The following ERAL1 variants were observed in gnomAD, a reference collection of about 807,000 sequenced individuals.
The protein encoded by ERAL1 is Era like 12S mitochondrial rRNA chaperone 1.
Under a neutral mutation model 53.6 loss-of-function variants are expected in ERAL1, and 36 were observed. That is an observed-to-expected ratio of 0.67 (90% CI 0.51 to 0.89). The LOEUF is 0.89. ERAL1 is among the 40% of genes least tolerant of loss of function. The pLI, the probability that ERAL1 is intolerant of heterozygous loss-of-function variation, is 0.00. For missense variants in ERAL1, 512 were observed against 537.5 expected, an observed-to-expected ratio of 0.95 and a Z score of 0.47; for synonymous variants, 215 against 211.8, an observed-to-expected ratio of 1.02 and a Z score of -0.13.
rs760840280 is a variant in ERAL1, at chr17:28,860,639, A to G, written c.*86A>G. On this transcript the variant is annotated 3_prime_UTR_variant, in exon 10 of 10. Transcript: ENST00000254928. ...TTCTGTCCTTGGCTGGGGACCCTCC[A>G]GGCACTGGTGAGAGACATGAACACT... 49 of 1,470,838 alleles carry G rather than the reference A, an allele frequency of 3.3e-5. No homozygotes were observed. Among genetic ancestry groups the G allele is most frequent in the Non-Finnish European group, 4.2e-5 (47 of 1,114,034 alleles). 91.1% of individuals were successfully genotyped at this position (1,470,838 alleles called of 1,614,324 possible).
In ERAL1 at chr17:28,858,791, A is replaced by G. The variant is rs1478955785; in HGVS notation, c.927A>G (p.Ser309=). ...WPHFKEIFML[S]ALSQEDVKTL... Reference sequence around the variant, plus strand: ...ACTTCAAGGAGATCTTCATGTTGTCAGCCCTAAGCCAGGAGGACGTGAAAA... The same window carrying G: ...ACTTCAAGGAGATCTTCATGTTGTCGGCCCTAAGCCAGGAGGACGTGAAAA... The change falls in exon 7 of 10, where the codon TCA becomes TCG. Residue 309 remains serine, a synonymous_variant. Coordinates refer to ENST00000254928, the MANE Select transcript of ERAL1 (RefSeq NM_005702.4). 6.2e-7 allele frequency: 1 copy of G among 1,614,084 alleles called. No individual in the cohort carries two copies. The highest frequency in any genetic ancestry group is 8.5e-7 in the Non-Finnish European group (1 of 1,180,020).
intron 4 of ERAL1, 57 bp from the exon 5 acceptor site, chr17:28,858,089 C>T: frequency 6.2e-7 from 1 of 1,612,630 alleles, no homozygotes; most frequent in Non-Finnish European, 8.5e-7. Context: ...CCACATCCCT[C>T]ATCAGAAATG....
chr17:28,860,269 G>A (rs1287606620), intron 9 of ERAL1, among the ~76,000 whole-genome samples, 162 bp from the exon 10 acceptor site: 6 of 152,054 alleles, frequency 3.9e-5, no homozygotes, highest in Non-Finnish European at 8.8e-5. Flanking sequence ...GAGCCACTGC[G>A]CCCGGCCACC....
chr17:28,860,365 C>A, intron 9 of ERAL1, 66 bp from the exon 10 acceptor site: 2 of 1,585,750 alleles, frequency 1.3e-6, no homozygotes, highest in South Asian at 1.1e-5. Flanking sequence ...CCTTAGCCCC[C>A]CAAGTAGCTG....
intron 9 of ERAL1, 28 bp downstream of exon 9, chr17:28,859,311 A>G: frequency 6.2e-7 from 1 of 1,609,482 alleles, no homozygotes; most frequent in Non-Finnish European, 8.5e-7. Context: ...CAGAGGAGAG[A>G]TCAAGACTAT....
chr17:28,857,869 A>G, intron 3 of ERAL1, 70 bp from the exon 4 acceptor site: 20 of 1,533,776 alleles, frequency 1.3e-5, no homozygotes, highest in Non-Finnish European at 1.8e-5. Context: ...CATCACAGGT[A>G]GCCTCTCTCT....
rs1340079916 is a variant in ERAL1, at chr17:28,860,452, G to A, written c.1213G>A (p.Gly405Ser). The A allele has an allele frequency of 1.9e-6, 3 of 1,611,080 alleles. No individual in the cohort carries two copies. Among genetic ancestry groups the A allele is most frequent in the South Asian group, 2.2e-5 (2 of 90,488 alleles). ...TCAGAAACTCCTGATTGGTCCGAAG[G>A]GCCACGTGATCTCCCAGATAGCACA... ...SYVKLLIGPKGHVISQIAQEA... is the reference protein window; with the variant it reads ...SYVKLLIGPKSHVISQIAQEA... Residue 405 changes from glycine to serine, a missense_variant, in exon 10 of 10, where the codon GGC (glycine) becomes AGC (serine). Coordinates refer to ENST00000254928, the MANE Select transcript of ERAL1 (RefSeq NM_005702.4).
Position 28,855,093 on chromosome 17 carries a change from A to T in ERAL1, c.59A>T (p.Gln20Leu). The part of the protein sequence containing the change: ...RLVQSVLRVW[Q>L]VGPHVARERV... ...GTTCAATCGGTGTTAAGAGTCTGGCAGGTGGGCCCTCATGTCGCGAGGGAG... is the reference window on the plus strand; with the variant it reads ...GTTCAATCGGTGTTAAGAGTCTGGCTGGTGGGCCCTCATGTCGCGAGGGAG... Residue 20 changes from glutamine to leucine, a missense_variant, in exon 1 of 10, where the codon CAG becomes CTG. By Grantham distance (113) the Gln-to-Leu change is moderately radical. Coordinates refer to ENST00000254928, the MANE Select transcript of ERAL1 (RefSeq NM_005702.4). The T allele has an allele frequency of 6.2e-7, 1 of 1,614,180 alleles. No homozygotes were observed.
chr17:28,860,514 C>T lies in ERAL1; in HGVS notation c.1275C>T (p.Cys425=), dbSNP rs541436173. 22 of 1,606,886 alleles carry T rather than the reference C, an allele frequency of 1.4e-5. No homozygotes were observed. Among genetic ancestry groups the T allele is most frequent in the Admixed American group, 5.1e-5 (3 of 58,588 alleles). The stretch of plus-strand genomic sequence containing the variant: ...ATGACCTCATGGACATCTTCCTCTG[C>T]GATGTTGACATCCGCCTCTCTGTGA... ...AGHDLMDIFL[C]DVDIRLSVKL... The change falls in exon 10 of 10, where the codon TGC becomes TGT. Residue 425 remains cysteine (C), a synonymous_variant. Transcript: ENST00000254928.
intron 1 of ERAL1, among the ~76,000 whole-genome samples, chr17:28,855,852 G>A (rs72848944): frequency 0.034 from 5,150 of 151,736 alleles, 116 homozygotes; most frequent in South Asian, 0.072. Context: ...CCTTAGTAGG[G>A]TGAGAGAATG....
intron 9 of ERAL1, 23 bp from the exon 10 acceptor site, chr17:28,860,408 C>T (rs1848017075): frequency 1.9e-6 from 3 of 1,609,876 alleles, no homozygotes; most frequent in Non-Finnish European, 2.5e-6. Context: ...TTCCTGGCTT[C>T]CTTCTCTTTC....
chr17:28,860,351 C>G, intron 9 of ERAL1, 80 bp from the exon 10 acceptor site: 1 of 1,543,286 alleles, frequency 6.5e-7, no homozygotes, highest in Non-Finnish European at 8.8e-7. Context: ...AAAGGATCTT[C>G]TCACCTTAGC....
Position 28,855,328 on chromosome 17 carries a change from C to A in ERAL1, c.283+11C>A, listed in dbSNP as rs1464988511. ...TGTCCATGAACAGAGGTAAAGCGCCCTGATAGGTTTGCTCGGAACTGTCAT... is the reference window on the plus strand; with the variant it reads ...TGTCCATGAACAGAGGTAAAGCGCCATGATAGGTTTGCTCGGAACTGTCAT... On this transcript the variant is annotated intron_variant, in intron 1 of 9. Transcript: ENST00000254928. 1 of 1,561,640 alleles carries A rather than the reference C, an allele frequency of 6.4e-7. No homozygotes were observed.
intron 3 of ERAL1, 137 bp downstream of exon 3, chr17:28,856,719 T>TC: frequency 2.6e-6 from 2 of 782,734 alleles, no homozygotes; most frequent in South Asian, 1.7e-5. Flanking sequence ...TTTTTCTTTT[T>TC]TTTTTTTTTT....
intron 1 of ERAL1, among the ~76,000 whole-genome samples, chr17:28,855,601 A>G (rs2039232036): frequency 6.6e-6 from 1 of 152,176 alleles, no homozygotes; most frequent in African/African-American, 2.4e-5. Context: ...CAGTAAATGC[A>G]TGTTGGGCCT....
At chr17:28,860,398 T>C (rs2039293199) in intron 9 of ERAL1, 33 bp from the exon 10 acceptor site, 8 of 1,608,980 alleles carry the variant, frequency 5.0e-6, no homozygotes, top group Non-Finnish European at 6.8e-6. Context: ...TGTGCCATCA[T>C]TCCTGGCTTC....
chr17:28,859,967 TTTTTTTTA>T (rs1349560731), intron 9 of ERAL1, among the ~76,000 whole-genome samples: 1 of 151,692 alleles, frequency 6.6e-6, no homozygotes, highest in Admixed American at 6.6e-5. Flanking sequence ...TAACCCTCTC[TTTTTTTTA>T]TTTTTTTATT....
chr17:28,855,314 A>T lies in ERAL1; in HGVS notation c.280A>T (p.Arg94Ter). 6.3e-7 allele frequency: 1 copy of T among 1,581,556 alleles called. No individual in the cohort carries two copies. Among genetic ancestry groups the T allele is most frequent in the Non-Finnish European group, 8.6e-7 (1 of 1,162,074 alleles). ...TTGCGTCCCCGCGGTGTCCATGAACAGAGGTAAAGCGCCCTGATAGGTTTG... is the reference window on the plus strand; with the variant it reads ...TTGCGTCCCCGCGGTGTCCATGAACTGAGGTAAAGCGCCCTGATAGGTTTG... ...TPCVPAVSMN[R>*]DEQDVLLVHH... is the part of the protein sequence containing the mutation. The change falls in exon 1 of 10, where the codon AGA (arginine) becomes TGA (stop). Residue 94 changes from arginine to a stop codon, truncating the protein, a stop_gained. Coordinates refer to ENST00000254928, the MANE Select transcript of ERAL1 (RefSeq NM_005702.4). LOFTEE classifies it high-confidence loss of function.
At position 28,860,574 on chromosome 17, in the gene ERAL1, C is replaced by A; in HGVS notation, c.*21C>A. On this transcript the variant is annotated 3_prime_UTR_variant, in exon 10 of 10. Transcript: ENST00000254928. Reference sequence around the variant, plus strand: ...AGTGACCACCCTCTACTGACCCTCCCAGGGCATTCCAGCTCAAGCTGCTGG... The same window carrying A: ...AGTGACCACCCTCTACTGACCCTCCAAGGGCATTCCAGCTCAAGCTGCTGG... The A allele has an allele frequency of 6.4e-7, 1 of 1,571,796 alleles. No homozygotes were observed. The highest frequency in any genetic ancestry group is 8.6e-7 in the Non-Finnish European group (1 of 1,163,234).
Sources: allele counts gnomAD v4.1 joint callset (sites outside exome capture counted in the v4.1 genomes callset), GRCh38; gene constraint gnomAD v4.1.1; transcripts MANE v1.5; gene names NCBI Gene and HGNC (gene_info 2026-07-23, HGNC 2026-07-21).